NCOR2: variants seen among roughly 807,000 people sequenced by gnomAD.
The protein encoded by NCOR2 is CTG repeat protein 26.
A neutral mutation model predicts 262.9 loss-of-function variants in NCOR2; 81 were observed. The observed-to-expected ratio is 0.31, with a 90% CI of 0.26 to 0.37. NCOR2 has a LOEUF of 0.37. NCOR2 is among the 10% of genes least tolerant of loss of function. The probability of loss-of-function intolerance (pLI) is 1.00; values close to 1 mark genes in which losing one functional copy is unlikely to be tolerated. For synonymous variants in NCOR2, 1,659 were observed against 1,559.3 expected, an observed-to-expected ratio of 1.06 and a Z score of -1.51; for missense variants, 3,385 against 3,621.4, an observed-to-expected ratio of 0.93 and a Z score of 1.68.
At chr12:124,525,280 T>C (rs2050403743) in intron 1 of NCOR2, among the ~76,000 whole-genome samples, 1 of 152,138 alleles carries the variant, frequency 6.6e-6, no homozygotes, top group African/African-American at 2.4e-5. Flanking sequence ...TGCCTCCTTA[T>C]TGTCCAGGGC....
intron 6 of NCOR2, among the ~76,000 whole-genome samples, chr12:124,455,989 C>T (rs1418891218): frequency 6.6e-6 from 1 of 152,226 alleles, no homozygotes; most frequent in Non-Finnish European, 1.5e-5. Flanking sequence ...GATCCTCCTG[C>T]CTCAGCCTCC....
Position 124,385,998 on chromosome 12 carries a change from C to T in NCOR2, c.1877-111G>A, listed in dbSNP as rs1196234614. 2.2e-6 allele frequency: 3 copies of T among 1,348,246 alleles called. No individual in the cohort carries two copies. In the African/African-American group the frequency reaches 4.4e-5, roughly 20 times the overall value. 83.5% of individuals were successfully genotyped at this position (1,348,246 alleles called of 1,614,324 possible). ...CCTGGAGCAGAAACCCAGCCTGGGG[C>T]TCCCTGCTCAGGCCCAGGACCTCTG... is the stretch of plus-strand genomic sequence containing the variant. On this transcript the variant is annotated intron_variant, in intron 16 of 46. Transcript: ENST00000405201.
intron 8 of NCOR2, among the ~76,000 whole-genome samples, chr12:124,433,522 C>T (rs1016174579): frequency 4.6e-5 from 7 of 152,156 alleles, no homozygotes; most frequent in African/African-American, 1.7e-4. Context: ...GTGGAGTGCA[C>T]GGGTGGCAAA....
intron 1 of NCOR2, among the ~76,000 whole-genome samples, chr12:124,543,250 C>T (rs1039495068): frequency 1.2e-4 from 18 of 152,360 alleles, no homozygotes; most frequent in African/African-American, 4.1e-4. Context: ...CCCAGGAACG[C>T]GCCCCAGCCC....
Position 124,402,707 on chromosome 12 carries a change from G to A in NCOR2, c.1483-146C>T, listed in dbSNP as rs1001693242. 6.2e-6 allele frequency: 9 copies of A among 1,444,186 alleles called. No homozygotes were observed. In the African/African-American group the frequency reaches 9.8e-5, roughly 16 times the overall value. 89.5% of individuals were successfully genotyped at this position (1,444,186 alleles called of 1,614,324 possible). ...CCCAGAAGAGGTCATAAACAACCGG[G>A]AAGCCAGGCCCCACTGGCATGAGAT... On this transcript the variant is annotated intron_variant, in intron 13 of 46. Coordinates refer to ENST00000405201, the Ensembl canonical transcript of NCOR2.
At chr12:124,544,052 G>A (rs1409948482) in intron 1 of NCOR2, among the ~76,000 whole-genome samples, 2 of 152,236 alleles carry the variant, frequency 1.3e-5, no homozygotes, top group Non-Finnish European at 2.9e-5. Flanking sequence ...CACACTCAGC[G>A]TCAGTCAGCA....
At chr12:124,373,344 C>G (rs188311669) in intron 19 of NCOR2, among the ~76,000 whole-genome samples, 4 of 15,572 alleles carry the variant, frequency 2.6e-4, no homozygotes, top group Non-Finnish European at 4.0e-4. Flanking sequence ...TGTGCAGGGG[C>G]CCCGGGCACA....
At chr12:124,416,523 G>A (rs1041936996) in intron 13 of NCOR2, among the ~76,000 whole-genome samples, 3 of 151,754 alleles carry the variant, frequency 2.0e-5, no homozygotes, top group Non-Finnish European at 4.4e-5. Flanking sequence ...GGAGACCGGC[G>A]GCACAGGGAG....
In NCOR2 at chr12:124,566,170, G is replaced by A. The variant is rs184703849; in HGVS notation, c.-165+1138C>T. 1.3e-5 allele frequency among the ~76,000 whole-genome samples: 2 copies of A among 152,160 alleles called. No homozygotes were observed. ...ATCCTTCCTCCAAATCTGCAAAAAG[G>A]GAAAAATAATAATAATCACAATAAA... On this transcript the variant is annotated intron_variant, in intron 1 of 32. Coordinates refer to the NCOR2 transcript ENST00000458234. This position sits in a 1 kb window ranked among gnomAD's most constrained non-coding sequence, Gnocchi z 4.3.
chr12:124,445,457 C>A (rs753928100), intron 7 of NCOR2, among the ~76,000 whole-genome samples: 2 of 152,200 alleles, frequency 1.3e-5, no homozygotes, highest in Non-Finnish European at 2.9e-5. Context: ...CGTCCGAAAT[C>A]GTCTGTGCGG....
rs367881427 is a variant in NCOR2 at position 124,394,121 on chromosome 12, C to T, written c.1876+3998G>A. ...GACTCTGCAGGAGGCACAGCTGGGA[C>T]CCAAACCTAGGGAGCAGGGTCTGGA... On this transcript the variant is annotated intron_variant, in intron 16 of 46. Transcript: ENST00000405201. Among the ~76,000 whole-genome samples the T allele has an allele frequency of 9.1e-4, 138 of 152,368 alleles. 3 individuals carry two copies. The South Asian group carries it at 0.026, about 29-fold the overall frequency.
chr12:124,481,724 C>T lies in NCOR2; in HGVS notation c.411+1872G>A, dbSNP rs940285138. Reference sequence around the variant, plus strand: ...ATCACGCCGGACCTGCAGCCCATGGCAAGGATTTTGGCTTTTTCCTGCTTG... The same window carrying T: ...ATCACGCCGGACCTGCAGCCCATGGTAAGGATTTTGGCTTTTTCCTGCTTG... On this transcript the variant is annotated intron_variant, in intron 3 of 46. Transcript: ENST00000405201. This position sits in a 1 kb window ranked among gnomAD's most constrained non-coding sequence, Gnocchi z 4.6. Among the ~76,000 whole-genome samples the T allele has an allele frequency of 6.6e-6, 1 of 152,008 alleles. No individual in the cohort carries two copies. Among genetic ancestry groups the T allele is most frequent in the Non-Finnish European group, 1.5e-5 (1 of 67,982 alleles).
At chr12:124,429,639 T>A in exon 10 of NCOR2, 3 of 1,608,994 alleles carry the variant, frequency 1.9e-6, no homozygotes, top group Non-Finnish European at 2.5e-6. Flanking sequence ...CCATCGATGA[T>A]CTCTGACACC....
intron 40 of NCOR2, 148 bp from the exon 43 acceptor site, chr12:124,334,765 GCCT>G: frequency 1.7e-6 from 1 of 574,892 alleles, no homozygotes; most frequent in Non-Finnish European, 3.0e-6. Flanking sequence ...CACCCTCTGG[GCCT>G]CCGTGTCCCA....
exon 39 of NCOR2, chr12:124,335,529 C>T (rs780887350): frequency 1.2e-6 from 2 of 1,609,166 alleles, no homozygotes; most frequent in East Asian, 2.2e-5. Context: ...TCTTGTCGAG[C>T]TCTTCCAGGT....
intron 19 of NCOR2, 31 bp from the exon 22 acceptor site, chr12:124,372,641 G>A: frequency 6.4e-7 from 1 of 1,572,522 alleles, no homozygotes; most frequent in Non-Finnish European, 8.6e-7. Flanking sequence ...GAGGGGATGA[G>A]CAGGGTCTGG....
intron 34 of NCOR2, among the ~76,000 whole-genome samples, chr12:124,341,211 G>A (rs2036425858): frequency 6.6e-6 from 1 of 152,120 alleles, no homozygotes; most frequent in Non-Finnish European, 1.5e-5. Context: ...ACAAGGCAAA[G>A]GAACAAACTC....
chr12:124,466,131 G>T, intron 5 of NCOR2, 42 bp downstream of exon 7: 1 of 1,562,608 alleles, frequency 6.4e-7, no homozygotes, highest in Non-Finnish European at 8.7e-7. Context: ...AGCGCCTCAT[G>T]GCCAGCACCG....
In NCOR2 at chr12:124,548,900, G is replaced by GCGAATCCA. The variant is rs2051622843; in HGVS notation, c.-164-13297_-164-13290dup. ...CTGCAGGGCTCTGATCTGCTTTCTC[G>GCGAATCCA]CGAATCCACGCTTACTCATTCTGAG... On this transcript the variant is annotated intron_variant, in intron 1 of 32. Transcript: ENST00000458234. This position sits in a 1 kb window ranked among gnomAD's most constrained non-coding sequence, Gnocchi z 5.1. 6.6e-6 allele frequency among the ~76,000 whole-genome samples: 1 copy of GCGAATCCA among 152,008 alleles called. No individual in the cohort carries two copies. The highest frequency in any genetic ancestry group is 1.5e-5 in the Non-Finnish European group (1 of 68,024).
Sources: allele counts gnomAD v4.1 joint callset (sites outside exome capture counted in the v4.1 genomes callset), GRCh38; gene constraint gnomAD v4.1.1; non-coding constraint Gnocchi (gnomAD v3.1); transcripts MANE v1.5; gene names NCBI Gene and HGNC (gene_info 2026-07-23, HGNC 2026-07-21).